CNIH3: variants seen among roughly 807,000 people sequenced by gnomAD.
CNIH3 encodes the protein protein cornichon homolog 3.
A neutral mutation model predicts 24.1 loss-of-function variants in CNIH3; 14 were observed. That is an observed-to-expected ratio of 0.58 (90% CI 0.38 to 0.91). The LOEUF is 0.91. Ranked by LOEUF, CNIH3 falls within the 40% of genes least tolerant of loss-of-function variation. The pLI, the probability that CNIH3 is intolerant of heterozygous loss-of-function variation, is 0.00. For synonymous variants in CNIH3, 68 were observed against 73.8 expected (o/e 0.92, Z 0.40); for missense variants, 178 against 196.8 (o/e 0.90, Z 0.57).
chr1:224,564,969 T>A (rs1420803528), intron 3 of CNIH3, among the ~76,000 whole-genome samples: 1 of 152,246 alleles, frequency 6.6e-6, no homozygotes, highest in African/African-American at 2.4e-5. Flanking sequence ...TGTCATCCAC[T>A]GCATCCCAGT....
Position 224,617,114 on chromosome 1 carries a change from G to A in CNIH3, c.-61G>A, listed in dbSNP as rs1683041276. 2 of 1,600,334 alleles carry A rather than the reference G, an allele frequency of 1.2e-6. No individual in the cohort carries two copies. Among genetic ancestry groups the A allele is most frequent in the Non-Finnish European group, 1.7e-6 (2 of 1,173,674 alleles). On this transcript the variant is annotated 5_prime_UTR_variant, in exon 1 of 6. Coordinates refer to ENST00000272133, the MANE Select transcript of CNIH3 (RefSeq NM_152495.2). Reference sequence around the variant, plus strand: ...TCCTTGGAGGGAGTGCGGTCCTCTAGGGAGGCATCGGGCTCCTAGGGGCTT... The same window carrying A: ...TCCTTGGAGGGAGTGCGGTCCTCTAAGGAGGCATCGGGCTCCTAGGGGCTT...
chr1:224,466,557 T>C (rs1676160325), intron 1 of CNIH3, among the ~76,000 whole-genome samples: 1 of 152,240 alleles, frequency 6.6e-6, no homozygotes, highest in Non-Finnish European at 1.5e-5. Flanking sequence ...AGAGTTGTTA[T>C]CAACATTCAT....
chr1:224,713,520 C>A (rs1172673964), intron 3 of CNIH3, among the ~76,000 whole-genome samples: 1 of 152,174 alleles, frequency 6.6e-6, no homozygotes, highest in African/African-American at 2.4e-5. Context: ...ACTCTGAGTT[C>A]TCTGAGCTTC....
intron 1 of CNIH3, among the ~76,000 whole-genome samples, chr1:224,639,777 C>T (rs1260818546): frequency 6.6e-6 from 1 of 152,160 alleles, no homozygotes; most frequent in Non-Finnish European, 1.5e-5. Context: ...CTTAACATTC[C>T]TTTCTGCTGA....
At chr1:224,677,950 A>G (rs1056210799) in intron 1 of CNIH3, among the ~76,000 whole-genome samples, 1 of 152,192 alleles carries the variant, frequency 6.6e-6, no homozygotes, top group African/African-American at 2.4e-5. Flanking sequence ...CCGTCTTTAT[A>G]ACTGTATAGA....
At chr1:224,524,983 G>A (rs565027363) in intron 2 of CNIH3, among the ~76,000 whole-genome samples, 5 of 152,158 alleles carry the variant, frequency 3.3e-5, no homozygotes, top group Middle Eastern at 3.2e-3. Flanking sequence ...AATCTGTAGC[G>A]GTTGGGTGCT....
chr1:224,539,947 A>G (rs1215336504), downstream of CNIH3, among the ~76,000 whole-genome samples: 2 of 152,156 alleles, frequency 1.3e-5, no homozygotes, highest in Non-Finnish European at 2.9e-5. Context: ...ACTGAATTTT[A>G]TTCCTTTCTG....
intron 3 of CNIH3, among the ~76,000 whole-genome samples, chr1:224,606,711 T>C (rs933373159): frequency 3.3e-5 from 5 of 152,162 alleles, no homozygotes; most frequent in Non-Finnish European, 7.4e-5. Flanking sequence ...ACCCAGTATT[T>C]CCCTTCCTCC....
At chr1:224,463,516 C>CT (rs1676016349) in intron 1 of CNIH3, among the ~76,000 whole-genome samples, 1 of 151,348 alleles carries the variant, frequency 6.6e-6, no homozygotes, top group Non-Finnish European at 1.5e-5. Context: ...TCAAGCGATG[C>CT]TTTTGCCTCA....
intron 2 of CNIH3, among the ~76,000 whole-genome samples, chr1:224,522,939 C>CA (rs1300055925): frequency 6.6e-6 from 1 of 152,270 alleles, no homozygotes; most frequent in East Asian, 1.9e-4. Flanking sequence ...AGAAAAAACA[C>CA]AAAAAATGTG....
intron 1 of CNIH3, among the ~76,000 whole-genome samples, chr1:224,465,631 A>C (rs1427971746): frequency 6.6e-6 from 1 of 152,316 alleles, no homozygotes. Flanking sequence ...TTTTGAAATA[A>C]TTATAAACGG....
intron 4 of CNIH3, among the ~76,000 whole-genome samples, chr1:224,567,130 A>G (rs1680613426): frequency 6.6e-6 from 1 of 152,078 alleles, no homozygotes; most frequent in African/African-American, 2.4e-5. Flanking sequence ...GATGATGAGC[A>G]TTTTTTCATA....
In CNIH3 at chr1:224,555,285, C is replaced by A. The variant is rs540063421; in HGVS notation, n.450+8346C>A. Among the ~76,000 whole-genome samples, 10 of 152,210 alleles carry A rather than the reference C, an allele frequency of 6.6e-5. No homozygotes were observed. In the South Asian group the frequency reaches 1.9e-3, roughly 28 times the overall value. On this transcript the variant is annotated intron_variant and non_coding_transcript_variant, in intron 3 of 5. Transcript: ENST00000471578. ...TCCTGTGCTGTCACAGAAAGTGTCG[C>A]CTGTAAATGTAATGAAGATTTAGTG...
chr1:224,612,374 A>G (rs1011727185), upstream of CNIH3, among the ~76,000 whole-genome samples: 2 of 151,910 alleles, frequency 1.3e-5, no homozygotes, highest in Non-Finnish European at 2.9e-5. This position sits in a 1 kb window ranked among gnomAD's most constrained non-coding sequence, Gnocchi z 4.7. Context: ...TTTTAGGGGC[A>G]TTTCTTAATC....
At chr1:224,667,064 G>A (rs1026793724) in intron 1 of CNIH3, among the ~76,000 whole-genome samples, 15 of 152,274 alleles carry the variant, frequency 9.9e-5, no homozygotes, top group South Asian at 6.2e-4. Flanking sequence ...CTTGCCTTCT[G>A]TCTGCAGCTC....
intron 1 of CNIH3, among the ~76,000 whole-genome samples, chr1:224,477,268 T>C (rs1411540140): frequency 1.3e-5 from 2 of 151,156 alleles, no homozygotes; most frequent in African/African-American, 4.9e-5. Flanking sequence ...AAGTTCACGA[T>C]GTGAGTCTCC....
In CNIH3 at chr1:224,531,082, A is replaced by G. The variant is rs147476230; in HGVS notation, n.344-5854A>G. ...CTTCATCTTCCAATTTCCTCTTCCT[A>G]TCATGTTGATTTGGAGACATCAAGG... On this transcript the variant is annotated intron_variant and non_coding_transcript_variant, in intron 2 of 2. Transcript: ENST00000470602. Among the ~76,000 whole-genome samples the G allele has an allele frequency of 5.5e-4, 84 of 152,220 alleles. No homozygotes were observed. The East Asian group carries it at 6.0e-3, about 11-fold the overall frequency.
chr1:224,561,582 G>A (rs908545027), intron 3 of CNIH3, among the ~76,000 whole-genome samples: 2 of 152,166 alleles, frequency 1.3e-5, no homozygotes, highest in African/African-American at 2.4e-5. Flanking sequence ...CTCTTCTAAT[G>A]GGAACCTGGG....
chr1:224,707,676 G>A (rs1687897543), intron 3 of CNIH3, among the ~76,000 whole-genome samples: 1 of 152,120 alleles, frequency 6.6e-6, no homozygotes, highest in Non-Finnish European at 1.5e-5. Flanking sequence ...GCCCCACCCA[G>A]ATCTGTGGGA....
Sources: gnomAD v4.1 joint callset for allele counts (sites outside exome capture counted in the v4.1 genomes callset) on GRCh38, gnomAD v4.1.1 for gene constraint, Gnocchi (gnomAD v3.1) non-coding constraint, MANE v1.5 for transcripts, NCBI Gene and HGNC (gene_info 2026-07-23, HGNC 2026-07-21) for gene names.